The following HTT variants were observed in gnomAD, a reference collection of about 807,000 sequenced individuals.
HTT encodes the protein huntington disease protein.
Under a neutral mutation model 362.3 loss-of-function variants are expected in HTT, and 104 were observed. The ratio of observed to expected loss-of-function variants is 0.29; its 90% CI spans 0.24 to 0.34. The LOEUF is 0.34. Ranked by LOEUF, HTT falls within the 10% of genes least tolerant of loss-of-function variation. The probability of loss-of-function intolerance (pLI) is 1.00; values close to 1 mark genes in which losing one functional copy is unlikely to be tolerated. For synonymous variants in HTT, 1,577 were observed against 1,548.7 expected, an observed-to-expected ratio of 1.02 and a Z score of -0.43; for missense variants, 3,301 against 3,928.6, an observed-to-expected ratio of 0.84 and a Z score of 4.27.
At chr4:3,149,422 C>T (rs544428219) in intron 26 of HTT, among the ~76,000 whole-genome samples, 2 of 151,432 alleles carry the variant, frequency 1.3e-5, no homozygotes, top group African/African-American at 2.4e-5. Context: ...CTCAGCCTCT[C>T]GAGGCAGATT....
chr4:3,123,070 T>C (rs1293981793), intron 10 of HTT, 134 bp downstream of exon 10: 1 of 549,098 alleles, frequency 1.8e-6, no homozygotes, highest in Non-Finnish European at 3.1e-6. Flanking sequence ...TGAGTGATTA[T>C]ATGTGTGAAT....
At chr4:3,120,038 G>GACCTGTGC (rs1715220289) in intron 8 of HTT, among the ~76,000 whole-genome samples, 1 of 152,274 alleles carries the variant, frequency 6.6e-6, no homozygotes, top group Non-Finnish European at 1.5e-5. Flanking sequence ...GGCCAGACCT[G>GACCTGTGC]ACCTGTGCAC....
At chr4:3,126,636 C>T (rs1715532277) in intron 11 of HTT, among the ~76,000 whole-genome samples, 1 of 152,166 alleles carries the variant, frequency 6.6e-6, no homozygotes, top group African/African-American at 2.4e-5. Flanking sequence ...CTATAAAGCT[C>T]ACATGCTTAC....
chr4:3,125,563 G>A lies in HTT; in HGVS notation c.1336G>A (p.Gly446Arg), dbSNP rs1281303909. ...SRKQKGKVLL[G>R]EEEALEDDSE... Reference sequence around the variant, plus strand: ...TTATTTACTAGGCAAAGTGCTCTTAGGAGAAGAAGAAGCCTTGGAGGATGA... The same window carrying A: ...TTATTTACTAGGCAAAGTGCTCTTAAGAGAAGAAGAAGCCTTGGAGGATGA... Residue 446 changes from glycine to arginine, a missense_variant, in exon 11 of 67, where the codon GGA (glycine) becomes AGA (arginine). Coordinates refer to ENST00000355072, the MANE Select transcript of HTT (RefSeq NM_001388492.1). The A allele has an allele frequency of 1.2e-6, 2 of 1,613,326 alleles. No homozygotes were observed. Among genetic ancestry groups the A allele is most frequent in the Non-Finnish European group, 1.7e-6 (2 of 1,179,318 alleles).
Position 3,228,804 on chromosome 4 carries a change from A to G in HTT, c.7979+59A>G, listed in dbSNP as rs1721051434. On this transcript the variant is annotated intron_variant, in intron 58 of 66. Coordinates refer to ENST00000355072, the MANE Select transcript of HTT (RefSeq NM_001388492.1). This position sits in a 1 kb window ranked among gnomAD's most constrained non-coding sequence, Gnocchi z 4.3. ...TTTGAAATTTCTTATCAGTCATTTG[A>G]TTTGTTTGAGGTGCTTCTTGAAATG... 1 of 1,572,252 alleles carries G rather than the reference A, an allele frequency of 6.4e-7. No individual in the cohort carries two copies.
Position 3,228,856 on chromosome 4 carries a change from A to G in HTT, c.7980-24A>G. The stretch of plus-strand genomic sequence containing the variant: ...GCCTCTCATCTCATGTACTTGGAAA[A>G]TACCCATCTCGCATATTCCACAGGA... On this transcript the variant is annotated intron_variant, in intron 58 of 66. Transcript: ENST00000355072. The surrounding 1 kb of genome is among the most constrained non-coding windows in gnomAD (Gnocchi z 4.3). 2 of 1,601,120 alleles carry G rather than the reference A, an allele frequency of 1.2e-6. No individual in the cohort carries two copies. Among genetic ancestry groups the G allele is most frequent in the Non-Finnish European group, 1.7e-6 (2 of 1,169,144 alleles).
At chr4:3,177,095 A>G (rs973143535) in intron 33 of HTT, among the ~76,000 whole-genome samples, 4 of 152,158 alleles carry the variant, frequency 2.6e-5, no homozygotes, top group African/African-American at 9.7e-5. Flanking sequence ...CTTGGAATTT[A>G]TTATTTGTTT....
chr4:3,156,713 C>T (rs113903611), intron 27 of HTT, among the ~76,000 whole-genome samples: 4 of 152,142 alleles, frequency 2.6e-5, no homozygotes, highest in African/African-American at 9.7e-5. Flanking sequence ...TTGGTGTGCT[C>T]ATGAAGTTGT....
chr4:3,173,783 C>G (rs1440059403), intron 31 of HTT, among the ~76,000 whole-genome samples: 1 of 152,018 alleles, frequency 6.6e-6, no homozygotes, highest in Non-Finnish European at 1.5e-5. Context: ...ATTCTCCTGC[C>G]TCAGCCTCCC....
At chr4:3,159,083 T>G (rs3025839) in intron 28 of HTT, among the ~76,000 whole-genome samples, 1,573 of 152,326 alleles carry the variant, frequency 0.01, 12 homozygotes, top group Non-Finnish European at 0.015. Flanking sequence ...GCTGGATCTT[T>G]GAGTATTGCC....
In HTT at chr4:3,136,334, C is replaced by G. The variant is rs779123217; in HGVS notation, c.2798+8C>G. 2.8e-5 allele frequency: 41 copies of G among 1,489,644 alleles called. No individual in the cohort carries two copies. Among genetic ancestry groups the G allele is most frequent in the Non-Finnish European group, 3.8e-5 (41 of 1,072,964 alleles). The allele number at this position is 1,489,644 out of a possible 1,614,324, so 92.3% of individuals were successfully genotyped here. On this transcript the variant is annotated splice_region_variant and intron_variant, in intron 21 of 66. Transcript: ENST00000355072. ...CGCAGCATCACTAATTAGGTATTTACCAATATTTTATCTCTTTTCCTTTTT... is the reference window on the plus strand; with the variant it reads ...CGCAGCATCACTAATTAGGTATTTAGCAATATTTTATCTCTTTTCCTTTTT...
At position 3,206,394 on chromosome 4, in the gene HTT, A is replaced by T. The variant is rs1719854346; in HGVS notation, c.5719-102A>T. The T allele has an allele frequency of 1.2e-6, 1 of 815,706 alleles. No individual in the cohort carries two copies. Among genetic ancestry groups the T allele is most frequent in the East Asian group, 2.4e-5 (1 of 40,846 alleles). The allele number at this position is 815,706 out of a possible 1,614,324, so 50.5% of individuals were successfully genotyped here. On this transcript the variant is annotated intron_variant, in intron 42 of 66. Transcript: ENST00000355072. This position sits in a 1 kb window ranked among gnomAD's most constrained non-coding sequence, Gnocchi z 4.6. ...ATTTTTAGTGAGGTTTATATTTGGG[A>T]TGTGTTTTCTCCTTCTTACCCTTTC...
chr4:3,117,381 C>T (rs1488923568), intron 8 of HTT, among the ~76,000 whole-genome samples: 1 of 151,838 alleles, frequency 6.6e-6, no homozygotes, highest in Admixed American at 6.6e-5. Flanking sequence ...GAGAATTCCA[C>T]ACATACAAAA....
intron 5 of HTT, among the ~76,000 whole-genome samples, chr4:3,106,800 A>G (rs1048544566): frequency 6.6e-6 from 1 of 151,416 alleles, no homozygotes; most frequent in Non-Finnish European, 1.5e-5. Context: ...GGGCTGCACC[A>G]CTCCTGGCAC....
intron 51 of HTT, among the ~76,000 whole-genome samples, chr4:3,217,043 T>G (rs1450547256): frequency 6.6e-6 from 1 of 151,868 alleles, no homozygotes; most frequent in African/African-American, 2.4e-5. Context: ...AAAAAAATAT[T>G]AATAAAGCCA....
At position 3,115,286 on chromosome 4, in the gene HTT, G is replaced by A. The variant is rs375040555; in HGVS notation, c.748-18G>A. 3.2e-5 allele frequency: 52 copies of A among 1,611,016 alleles called. No individual in the cohort carries two copies. In the African/African-American group the frequency reaches 6.7e-4, roughly 21 times the overall value. Reference sequence around the variant, plus strand: ...TAGGAGCTTCATCTTTTATCTACTTGGACTTTTGCTTCCGTAGGTTTTGTT... The same window carrying A: ...TAGGAGCTTCATCTTTTATCTACTTAGACTTTTGCTTCCGTAGGTTTTGTT... On this transcript the variant is annotated intron_variant, in intron 6 of 66. Transcript: ENST00000355072.
intron 11 of HTT, 40 bp downstream of exon 11, chr4:3,125,669 G>A (rs765133689): frequency 2.1e-6 from 3 of 1,417,664 alleles, no homozygotes; most frequent in African/African-American, 1.4e-5. Context: ...GACCTTCACT[G>A]TCTGCCTTCC....
intron 21 of HTT, among the ~76,000 whole-genome samples, chr4:3,136,963 C>T: frequency 6.7e-6 from 1 of 149,878 alleles, no homozygotes; most frequent in Non-Finnish European, 1.5e-5. Context: ...GCTCTATTGT[C>T]CAGGTGCTAT....
At chr4:3,214,544 G>A (rs1169836449) in intron 50 of HTT, among the ~76,000 whole-genome samples, 2 of 152,080 alleles carry the variant, frequency 1.3e-5, no homozygotes, top group South Asian at 2.1e-4. Flanking sequence ...TAATATTAAC[G>A]TACTGTAAAA....
Sources: gnomAD v4.1 joint callset for allele counts (sites outside exome capture counted in the v4.1 genomes callset) on GRCh38, gnomAD v4.1.1 for gene constraint, Gnocchi (gnomAD v3.1) non-coding constraint, MANE v1.5 for transcripts, NCBI Gene and HGNC (gene_info 2026-07-23, HGNC 2026-07-21) for gene names.